The following C4orf50 variants were observed in gnomAD, a reference collection of about 807,000 sequenced individuals.
C4orf50 encodes the protein uncharacterized protein C4orf50.
C4orf50 carries 80 observed loss-of-function variants against 77.2 expected under a neutral mutation model. The ratio of observed to expected loss-of-function variants is 1.04; its 90% CI spans 0.87 to 1.25. C4orf50 has a LOEUF of 1.25. C4orf50 is among the 50% of genes most tolerant of loss of function. The pLI, the probability that C4orf50 is intolerant of heterozygous loss-of-function variation, is 0.00. For missense variants in C4orf50, 1,257 were observed against 1,152.9 expected (o/e 1.09, Z -1.31); for synonymous variants, 532 against 465.3 (o/e 1.14, Z -1.84).
exon 28 of C4orf50, chr4:5,989,816 C>T (rs1180966126): frequency 6.7e-7 from 1 of 1,496,522 alleles, no homozygotes; most frequent in South Asian, 1.3e-5. Flanking sequence ...TCGGGGGCAC[C>T]CCTGCACCCC....
chr4:5,952,830 C>G (rs149066439), downstream of C4orf50, among the ~76,000 whole-genome samples: 962 of 152,322 alleles, frequency 6.3e-3, 9 homozygotes, highest in South Asian at 0.029. This position sits in a 1 kb window ranked among gnomAD's most constrained non-coding sequence, Gnocchi z 4.4. Flanking sequence ...CACCGACACT[C>G]CCGCCTCCAA....
rs185273731 is a variant in C4orf50 at position 5,935,598 on chromosome 4, C to T, written c.*2474+21303G>A. ...GTCAGGAGTTCGAGGCCAGCCTGGC[C>T]AACATAGTGAAACCCCGTCTGTACT... On this transcript the variant is annotated intron_variant, in intron 7 of 7. Coordinates refer to the C4orf50 transcript ENST00000324058. Among the ~76,000 whole-genome samples the T allele has an allele frequency of 4.6e-5, 7 of 151,902 alleles. No individual in the cohort carries two copies. In the East Asian group the frequency reaches 1.2e-3, roughly 25 times the overall value.
chr4:5,918,607 G>A (rs4470572), intron 7 of C4orf50, among the ~76,000 whole-genome samples: 65,903 of 152,044 alleles, frequency 0.43, 17,527 homozygotes, highest in East Asian at 0.81. Context: ...AATTTCAGAA[G>A]GAAGCTCTAA....
exon 34 of C4orf50, chr4:5,959,146 C>A: frequency 1.8e-6 from 1 of 546,426 alleles, no homozygotes; most frequent in East Asian, 3.1e-5. Flanking sequence ...TAAATATTTC[C>A]TATGCTGCCT....
chr4:5,999,202 C>A (rs1375875827), intron 25 of C4orf50, among the ~76,000 whole-genome samples: 2 of 152,190 alleles, frequency 1.3e-5, no homozygotes, highest in Non-Finnish European at 2.9e-5. Context: ...CACACCATGG[C>A]TCCCAGAGCA....
In C4orf50 at chr4:6,011,663, G is replaced by A. The variant is rs1411081169; in HGVS notation, c.426+167C>T. 2.0e-5 allele frequency among the ~76,000 whole-genome samples: 3 copies of A among 152,084 alleles called. No homozygotes were observed. The highest frequency in any genetic ancestry group is 4.4e-5 in the Non-Finnish European group (3 of 68,018). On this transcript the variant is annotated intron_variant, in intron 24 of 33. Coordinates refer to ENST00000531445, the Ensembl canonical transcript of C4orf50. The surrounding 1 kb of genome is among the most constrained non-coding windows in gnomAD (Gnocchi z 4.2). ...CACCCCCACATCCCTGCATGCCCCA[G>A]GCCCCGCAGTCACGCCATGCACCAT... is the stretch of plus-strand genomic sequence containing the variant.
At chr4:5,952,603 A>T (rs1718779411), downstream of C4orf50, among the ~76,000 whole-genome samples, 1 of 152,148 alleles carries the variant, frequency 6.6e-6, no homozygotes, top group Non-Finnish European at 1.5e-5. This position sits in a 1 kb window ranked among gnomAD's most constrained non-coding sequence, Gnocchi z 4.4. Flanking sequence ...CCCTTCCCTC[A>T]CCACTTCCCG....
intron 7 of C4orf50, among the ~76,000 whole-genome samples, chr4:5,927,875 T>G (rs1190497308): frequency 6.6e-6 from 1 of 152,068 alleles, no homozygotes; most frequent in Non-Finnish European, 1.5e-5. Context: ...CAGGAAACCT[T>G]CCCCAAATGC....
intron 28 of C4orf50, 65 bp downstream of exon 6, chr4:5,988,282 G>T: frequency 6.4e-7 from 1 of 1,562,526 alleles, no homozygotes; most frequent in Non-Finnish European, 8.7e-7. Flanking sequence ...TTGCATAAGT[G>T]AATGGGGTGG....
rs560428899 is a variant in C4orf50 at position 5,932,014 on chromosome 4, C to A, written c.*2474+24887G>T. 5.9e-4 allele frequency among the ~76,000 whole-genome samples: 90 copies of A among 152,164 alleles called. No individual in the cohort carries two copies. The highest frequency in any genetic ancestry group is 2.1e-3 in the African/African-American group (86 of 41,546). On this transcript the variant is annotated intron_variant, in intron 7 of 7. Transcript: ENST00000324058. This position sits in a 1 kb window ranked among gnomAD's most constrained non-coding sequence, Gnocchi z 4.2. ...GCTCAGTATTTACGGAGAGTTGTCACCTGACCCCAAAATGCTAAGCTCTTC... is the reference window on the plus strand; with the variant it reads ...GCTCAGTATTTACGGAGAGTTGTCAACTGACCCCAAAATGCTAAGCTCTTC...
rs926848940 is a variant in C4orf50, at chr4:6,015,439, A to T, written c.287+2706T>A. The stretch of plus-strand genomic sequence containing the variant: ...GACCCCCCGAGCTTGGGCTTTTGGG[A>T]TCCAGAAATGTGAGAAAATAAGTTT... On this transcript the variant is annotated intron_variant, in intron 23 of 33. Coordinates refer to ENST00000531445, the Ensembl canonical transcript of C4orf50. The surrounding 1 kb of genome is among the most constrained non-coding windows in gnomAD (Gnocchi z 4.4). 1.3e-5 allele frequency among the ~76,000 whole-genome samples: 2 copies of T among 152,018 alleles called. No individual in the cohort carries two copies. Among genetic ancestry groups the T allele is most frequent in the East Asian group, 3.9e-4 (2 of 5,180 alleles).
At chr4:5,927,213 G>T (rs1373140524) in intron 7 of C4orf50, among the ~76,000 whole-genome samples, 2 of 152,110 alleles carry the variant, frequency 1.3e-5, no homozygotes, top group Non-Finnish European at 2.9e-5. Context: ...TGTGGAATCA[G>T]GGCTCAGAAG....
chr4:6,015,872 G>C lies in C4orf50; in HGVS notation c.287+2273C>G, dbSNP rs1722664175. 6.6e-6 allele frequency among the ~76,000 whole-genome samples: 1 copy of C among 152,110 alleles called. No homozygotes were observed. Among genetic ancestry groups the C allele is most frequent in the Non-Finnish European group, 1.5e-5 (1 of 68,016 alleles). The stretch of plus-strand genomic sequence containing the variant: ...ACCCTCTCTGTCTCCCTCTCGCAAG[G>C]ATACTTGTGATTGGTCTTAGAGACC... On this transcript the variant is annotated intron_variant, in intron 23 of 33. Transcript: ENST00000531445. The surrounding 1 kb of genome is among the most constrained non-coding windows in gnomAD (Gnocchi z 4.4).
At chr4:5,929,557 A>G (rs1717669549) in intron 7 of C4orf50, among the ~76,000 whole-genome samples, 1 of 152,246 alleles carries the variant, frequency 6.6e-6, no homozygotes, top group South Asian at 2.1e-4. Flanking sequence ...CTGGAAACAA[A>G]AGGACAGAAG....
chr4:5,967,498 G>A (rs371582672), intron 31 of C4orf50, 36 bp from the exon 10 acceptor site: 14 of 1,590,910 alleles, frequency 8.8e-6, no homozygotes, highest in Non-Finnish European at 1.2e-5. Context: ...TATTCTGCAT[G>A]GCACTGGAGA....
chr4:6,003,641 G>GGTGGTGATGGTGA (rs1721948800), intron 25 of C4orf50, among the ~76,000 whole-genome samples: 1 of 128,822 alleles, frequency 7.8e-6, no homozygotes, highest in Non-Finnish European at 1.6e-5. Flanking sequence ...CGGTGATGAT[G>GGTGGTGATGGTGA]TGATAGTGAT....
At position 6,008,204 on chromosome 4, in the gene C4orf50, C is replaced by T; in HGVS notation, c.755G>A (p.Arg252His). 2.5e-6 allele frequency: 1 copy of T among 397,692 alleles called. No homozygotes were observed. The highest frequency in any genetic ancestry group is 4.4e-5 in the Admixed American group (1 of 22,676). The allele number at this position is 397,692 out of a possible 1,614,324, so 24.6% of individuals were successfully genotyped here. A position where few individuals can be genotyped will look rare whatever the true frequency, so the allele number is the denominator to read the frequency against. Reference sequence around the variant, plus strand: ...GCTGCGCGCCGCCTCTTCCCGCTCGCGCTCGCTGCGCTCTGCCCTCGCCTG... The same window carrying T: ...GCTGCGCGCCGCCTCTTCCCGCTCGTGCTCGCTGCGCTCTGCCCTCGCCTG... Residue 252 changes from arginine to histidine, a missense_variant, in exon 25 of 34, where the codon CGC becomes CAC. Arg to His is a conservative substitution (Grantham distance 29). Coordinates refer to ENST00000531445, the Ensembl canonical transcript of C4orf50. The surrounding 1 kb of genome is among the most constrained non-coding windows in gnomAD (Gnocchi z 6.0).
chr4:5,936,577 A>G lies in C4orf50; in HGVS notation c.*2474+20324T>C, dbSNP rs1718027314. On this transcript the variant is annotated intron_variant, in intron 7 of 7. Coordinates refer to the C4orf50 transcript ENST00000324058. ...GACGCCATCTCAAAAAAAAAAAAAA[A>G]AAAAAAGAAAGACAGACAGAGTTAG... is the stretch of plus-strand genomic sequence containing the variant. Among the ~76,000 whole-genome samples, 2 of 150,894 alleles carry G rather than the reference A, an allele frequency of 1.3e-5. 1 individual carries two copies. Among genetic ancestry groups the G allele is most frequent in the South Asian group, 4.2e-4 (2 of 4,802 alleles).
intron 31 of C4orf50, among the ~76,000 whole-genome samples, chr4:5,968,500 C>T (rs1354710564): frequency 6.6e-6 from 1 of 152,172 alleles, no homozygotes; most frequent in Non-Finnish European, 1.5e-5. Flanking sequence ...GCTCTTAGAG[C>T]ACTTTGCTGT....
Sources: gnomAD v4.1 joint callset for allele counts (sites outside exome capture counted in the v4.1 genomes callset) on GRCh38, gnomAD v4.1.1 for gene constraint, Gnocchi (gnomAD v3.1) non-coding constraint, MANE v1.5 for transcripts, NCBI Gene and HGNC (gene_info 2026-07-23, HGNC 2026-07-21) for gene names.